Variants in OSBPL9 observed in about 807,000 individuals in gnomAD.
OSBPL9 encodes oxysterol binding protein like 9.
OSBPL9 carries 40 observed loss-of-function variants against 106.6 expected under a neutral mutation model. The ratio of observed to expected loss-of-function variants is 0.38; its 90% CI spans 0.29 to 0.49. The LOEUF (loss-of-function observed/expected upper bound fraction) is 0.49, where lower values mean the gene tolerates loss of function less well. OSBPL9 is among the 20% of genes least tolerant of loss of function. The pLI is 0.97. For synonymous variants in OSBPL9, 269 were observed against 295.4 expected, an observed-to-expected ratio of 0.91 and a Z score of 0.92; for missense variants, 609 against 887.2, an observed-to-expected ratio of 0.69 and a Z score of 3.98.
intron 1 of OSBPL9, among the ~76,000 whole-genome samples, chr1:51,594,472 A>G (rs1645290488): frequency 6.6e-6 from 1 of 152,088 alleles, no homozygotes; most frequent in Non-Finnish European, 1.5e-5. Context: ...CACAATCACA[A>G]TCAATGACCC....
chr1:51,617,244 T>G (rs748496818), intron 1 of OSBPL9, 23 bp downstream of exon 1: 1 of 1,579,314 alleles, frequency 6.3e-7, no homozygotes, highest in Non-Finnish European at 8.6e-7. Flanking sequence ...AGGGCACAGC[T>G]CCAGGCGCCT....
At chr1:51,577,145 A>T (rs528727679), upstream of OSBPL9, 4 of 151,980 alleles carry the variant, frequency 2.6e-5, no homozygotes, top group African/African-American at 9.7e-5. Flanking sequence ...TGTTTTCACC[A>T]TGTGACGTAC....
At chr1:51,714,220 C>A in intron 4 of OSBPL9, 141 bp downstream of exon 4, 1 of 573,648 alleles carries the variant, frequency 1.7e-6, no homozygotes, top group Non-Finnish European at 3.0e-6. Flanking sequence ...TTTTCCTTTA[C>A]AGTTATAGTA....
chr1:51,606,974 C>G (rs1442413174), intron 2 of OSBPL9, among the ~76,000 whole-genome samples: 3 of 151,422 alleles, frequency 2.0e-5, no homozygotes, highest in African/African-American at 7.3e-5. Context: ...GGCGTGAACC[C>G]GGGAGGCGGA....
chr1:51,559,996 C>T, the OSBPL9 span, among the ~76,000 whole-genome samples: 1 of 152,218 alleles, frequency 6.6e-6, no homozygotes, highest in African/African-American at 2.4e-5. Context: ...CCAACACATG[C>T]TCCTGGTTAT....
the OSBPL9 span, among the ~76,000 whole-genome samples, chr1:51,562,662 G>T: frequency 6.6e-6 from 1 of 152,142 alleles, no homozygotes. Context: ...AAGCGAGGTG[G>T]CAGGGACCCA....
the OSBPL9 span, among the ~76,000 whole-genome samples, chr1:51,570,378 G>A: frequency 6.6e-6 from 1 of 152,150 alleles, no homozygotes; most frequent in African/African-American, 2.4e-5. Flanking sequence ...TTTCACTTGT[G>A]CAGGATCACT....
At chr1:51,713,298 C>T (rs938211811) in intron 3 of OSBPL9, among the ~76,000 whole-genome samples, 5 of 152,030 alleles carry the variant, frequency 3.3e-5, no homozygotes, top group Non-Finnish European at 4.4e-5. Context: ...TACAGGGACC[C>T]GCCACCATGC....
the OSBPL9 span, among the ~76,000 whole-genome samples, chr1:51,548,551 A>C: frequency 6.7e-6 from 1 of 149,680 alleles, no homozygotes; most frequent in Non-Finnish European, 1.5e-5. Context: ...CACGATGCCC[A>C]GCTGATTTTT....
At chr1:51,558,456 A>G in the OSBPL9 span, among the ~76,000 whole-genome samples, 2 of 152,018 alleles carry the variant, frequency 1.3e-5, no homozygotes, top group East Asian at 1.9e-4. Context: ...GTAAAACCTA[A>G]GATTGGTATT....
At chr1:51,617,659 G>C (rs1235256556) in intron 1 of OSBPL9, among the ~76,000 whole-genome samples, 1 of 152,116 alleles carries the variant, frequency 6.6e-6, no homozygotes, top group African/African-American at 2.4e-5. Flanking sequence ...GGATTGAAGA[G>C]CTCTGCTTCC....
intron 2 of OSBPL9, among the ~76,000 whole-genome samples, chr1:51,663,756 G>A (rs1647718073): frequency 6.6e-6 from 1 of 152,138 alleles, no homozygotes; most frequent in South Asian, 2.1e-4. Flanking sequence ...AACCATTGAA[G>A]GGCTCATACC....
At chr1:51,558,167 C>T in the OSBPL9 span, among the ~76,000 whole-genome samples, 1 of 151,900 alleles carries the variant, frequency 6.6e-6, no homozygotes, top group Non-Finnish European at 1.5e-5. Context: ...GTAGTCCCAA[C>T]TACTTGGGAG....
At chr1:51,559,308 G>C in the OSBPL9 span, among the ~76,000 whole-genome samples, 1 of 152,024 alleles carries the variant, frequency 6.6e-6, no homozygotes, top group Non-Finnish European at 1.5e-5. Context: ...GGTTGCGGGG[G>C]ATGGTGGAGT....
At chr1:51,599,270 A>G (rs1425408180) in intron 2 of OSBPL9, among the ~76,000 whole-genome samples, 2 of 152,200 alleles carry the variant, frequency 1.3e-5, no homozygotes, top group East Asian at 3.8e-4. Context: ...TTATGTTCAT[A>G]ATGTGTTAGC....
chr1:51,608,925 A>G (rs1241669222), intron 2 of OSBPL9, among the ~76,000 whole-genome samples: 4 of 152,132 alleles, frequency 2.6e-5, no homozygotes, highest in Non-Finnish European at 5.9e-5. Flanking sequence ...TGTATGTTTA[A>G]ACTCAGAGGG....
intron 22 of OSBPL9, 69 bp from the exon 23 acceptor site, chr1:51,787,284 T>C (rs1677891300): frequency 3.4e-6 from 5 of 1,474,602 alleles, no homozygotes; most frequent in South Asian, 1.2e-5. Flanking sequence ...ACTTGTATTA[T>C]ACTATATTCA....
intron 3 of OSBPL9, among the ~76,000 whole-genome samples, chr1:51,677,633 C>A (rs1397342572): frequency 6.6e-6 from 1 of 151,806 alleles, no homozygotes; most frequent in Non-Finnish European, 1.5e-5. Context: ...CTCACTGTAA[C>A]CTCCGCCTAC....
the OSBPL9 span, among the ~76,000 whole-genome samples, chr1:51,540,502 A>G: frequency 6.6e-6 from 1 of 152,004 alleles, no homozygotes; most frequent in Non-Finnish European, 1.5e-5. Context: ...TAAAAAAAAA[A>G]AATTAGCTGG....
Sources: gnomAD v4.1 joint callset for allele counts (sites outside exome capture counted in the v4.1 genomes callset) on GRCh38, gnomAD v4.1.1 for gene constraint, MANE v1.5 for transcripts, NCBI Gene and HGNC (gene_info 2026-07-23, HGNC 2026-07-21) for gene names.